VTI1A: variants seen among roughly 807,000 people sequenced by gnomAD.
VTI1A encodes the protein vesicle transport through interaction with t-SNAREs homolog 1A.
VTI1A carries 22 observed loss-of-function variants against 34.9 expected under a neutral mutation model. The observed-to-expected ratio is 0.63, with a 90% CI of 0.45 to 0.90. The LOEUF is 0.90. VTI1A is among the 40% of genes least tolerant of loss of function. The pLI is 0.00. For missense variants in VTI1A, 268 were observed against 275.6 expected (o/e 0.97, Z 0.20); for synonymous variants, 87 against 97.3 (o/e 0.89, Z 0.62).
chr10:112,613,068 T>C (rs537710149), intron 5 of VTI1A, among the ~76,000 whole-genome samples: 5 of 152,248 alleles, frequency 3.3e-5, no homozygotes, highest in African/African-American at 1.2e-4. Flanking sequence ...TTCAACAGAG[T>C]GAATAAATAT....
At chr10:112,574,106 C>T (rs1293057017) in intron 5 of VTI1A, among the ~76,000 whole-genome samples, 1 of 152,100 alleles carries the variant, frequency 6.6e-6, no homozygotes, top group Non-Finnish European at 1.5e-5. Context: ...TACTCAAAAT[C>T]ATTGCCTTCT....
chr10:112,844,790 T>C, the VTI1A span, among the ~76,000 whole-genome samples: 1 of 152,234 alleles, frequency 6.6e-6, no homozygotes, highest in African/African-American at 2.4e-5. Flanking sequence ...CTTTCCCTCC[T>C]CTTAACTGTG....
In VTI1A at chr10:112,815,962, T is replaced by C; in HGVS notation, c.*579T>C. ...GTTGTACAGGAAATTGACTTAGCAC[T>C]TTCCCTGTTTTTCTATTGCATAATT... On this transcript the variant is annotated 3_prime_UTR_variant, in exon 8 of 8. Coordinates refer to ENST00000393077, the MANE Select transcript of VTI1A (RefSeq NM_145206.4). The C allele has an allele frequency of 4.4e-6, 1 of 229,348 alleles. No homozygotes were observed. Among genetic ancestry groups the C allele is most frequent in the Non-Finnish European group, 8.6e-6 (1 of 115,698 alleles). The allele number at this position is 229,348 out of a possible 1,614,324, so 14.2% of individuals were successfully genotyped here.
chr10:112,694,255 T>C (rs896179557), intron 7 of VTI1A, among the ~76,000 whole-genome samples: 4 of 151,896 alleles, frequency 2.6e-5, no homozygotes, highest in African/African-American at 9.7e-5. Context: ...CCTTCCCATC[T>C]CCCTCTCCAC....
In VTI1A at chr10:112,802,340, C is replaced by G. The variant is rs368014494; in HGVS notation, c.561-12950C>G. Among the ~76,000 whole-genome samples the G allele has an allele frequency of 1.0e-3, 156 of 152,230 alleles. 1 individual carries two copies. In the South Asian group the frequency reaches 0.027, roughly 27 times the overall value. On this transcript the variant is annotated intron_variant, in intron 7 of 7. Transcript: ENST00000393077. The stretch of plus-strand genomic sequence containing the variant: ...CTTCTATCAAAGAACCAAGGAGGAT[C>G]TAGTAAAGATTCTAAGACACACGAT...
intron 5 of VTI1A, among the ~76,000 whole-genome samples, chr10:112,649,913 T>C (rs1428102305): frequency 1.3e-5 from 2 of 152,144 alleles, no homozygotes; most frequent in Non-Finnish European, 2.9e-5. Context: ...TGAATATGAA[T>C]AGAGGTTAAA....
intron 1 of VTI1A, among the ~76,000 whole-genome samples, chr10:112,451,210 C>T (rs1847225928): frequency 6.6e-6 from 1 of 152,258 alleles, no homozygotes; most frequent in South Asian, 2.1e-4. Context: ...CCTTTCTAGG[C>T]CTGTCTCCTC....
intron 5 of VTI1A, among the ~76,000 whole-genome samples, chr10:112,550,282 A>C (rs896276127): frequency 4.6e-5 from 7 of 152,050 alleles, no homozygotes; most frequent in Admixed American, 3.3e-4. Context: ...CTGTACTTAT[A>C]TAACTTTCTT....
intron 4 of VTI1A, among the ~76,000 whole-genome samples, chr10:112,537,311 G>GTATATA (rs10682533): frequency 0.022 from 1,407 of 65,202 alleles, 108 homozygotes; most frequent in African/African-American, 0.058. Flanking sequence ...AAGTATCTAG[G>GTATATA]TATATATATA....
At chr10:112,507,477 C>T (rs1849470845) in intron 3 of VTI1A, among the ~76,000 whole-genome samples, 1 of 152,184 alleles carries the variant, frequency 6.6e-6, no homozygotes, top group Non-Finnish European at 1.5e-5. Flanking sequence ...CCCTTCTGTG[C>T]CTCTCTTCCA....
At chr10:112,772,371 T>G (rs1851836359) in intron 7 of VTI1A, among the ~76,000 whole-genome samples, 1 of 152,222 alleles carries the variant, frequency 6.6e-6, no homozygotes, top group Non-Finnish European at 1.5e-5. Flanking sequence ...TCTACTCAGA[T>G]CCTTTGCTCG....
chr10:112,666,042 A>T (rs565690357), intron 5 of VTI1A, among the ~76,000 whole-genome samples: 41 of 152,322 alleles, frequency 2.7e-4, no homozygotes, highest in African/African-American at 9.4e-4. Flanking sequence ...TATTATGTTG[A>T]TAAAAGAAAT....
At chr10:112,514,649 C>G (rs1171156667) in intron 3 of VTI1A, among the ~76,000 whole-genome samples, 1 of 151,904 alleles carries the variant, frequency 6.6e-6, no homozygotes, top group African/African-American at 2.4e-5. Flanking sequence ...AAACTCCCCT[C>G]TTAGGACTGC....
chr10:112,736,668 A>G (rs1850486685), intron 7 of VTI1A: 5 of 1,550,464 alleles, frequency 3.2e-6, no homozygotes, highest in South Asian at 1.2e-5. Flanking sequence ...TAGTGCATTT[A>G]GCAATGAGGG....
At chr10:112,655,819 T>G (rs1425551076) in intron 5 of VTI1A, among the ~76,000 whole-genome samples, 2 of 152,186 alleles carry the variant, frequency 1.3e-5, no homozygotes, top group East Asian at 3.8e-4. Context: ...CTGACAGACA[T>G]TTTTTAAAGT....
rs1853500776 is a variant in VTI1A at position 112,815,724 on chromosome 10, A to G, written c.*341A>G. ...CAAGGGCCGTGGTTTGGGAGAGGAC[A>G]TGATGAGTCAGTCACGAGAGCTTCT... On this transcript the variant is annotated 3_prime_UTR_variant, in exon 8 of 8. Transcript: ENST00000393077. The G allele has an allele frequency of 3.3e-6, 1 of 301,932 alleles. No homozygotes were observed. Among genetic ancestry groups the G allele is most frequent in the Non-Finnish European group, 6.2e-6 (1 of 160,046 alleles). 18.7% of individuals were successfully genotyped at this position (301,932 alleles called of 1,614,324 possible).
At chr10:112,844,145 A>G in the VTI1A span, among the ~76,000 whole-genome samples, 29 of 152,348 alleles carry the variant, frequency 1.9e-4, no homozygotes, top group African/African-American at 6.5e-4. Flanking sequence ...TTAAAGGCTC[A>G]AGAACCTCTG....
Position 112,654,732 on chromosome 10 carries a change from C to T in VTI1A, c.428-13486C>T, listed in dbSNP as rs529010441. On this transcript the variant is annotated intron_variant, in intron 5 of 7. Transcript: ENST00000393077. The stretch of plus-strand genomic sequence containing the variant: ...TCCTGACCTGGTGATCCTCCTGCCT[C>T]GGCCTCCCAAAGTACTGGGATTACA... Among the ~76,000 whole-genome samples, 120 of 152,272 alleles carry T rather than the reference C, an allele frequency of 7.9e-4. 2 individuals are homozygous for T. Among genetic ancestry groups the T allele is most frequent in the Admixed American group, 6.5e-3 (100 of 15,290 alleles).
intron 3 of VTI1A, among the ~76,000 whole-genome samples, chr10:112,521,510 G>C (rs1475316147): frequency 6.6e-6 from 1 of 151,934 alleles, no homozygotes; most frequent in African/African-American, 2.4e-5. Context: ...TGTTAGGGTA[G>C]GTTTGCATTT....
Sources: allele counts gnomAD v4.1 joint callset (sites outside exome capture counted in the v4.1 genomes callset), GRCh38; gene constraint gnomAD v4.1.1; transcripts MANE v1.5; gene names NCBI Gene and HGNC (gene_info 2026-07-23, HGNC 2026-07-21).